CSPP1: variants seen among roughly 807,000 people sequenced by gnomAD.
CSPP1 encodes the protein centrosome and spindle pole-associated protein 1.
CSPP1 carries 126 observed loss-of-function variants against 164.4 expected under a neutral mutation model. That is an observed-to-expected ratio of 0.77 (90% CI 0.66 to 0.89). The LOEUF (loss-of-function observed/expected upper bound fraction) is 0.89, where lower values mean the gene tolerates loss of function less well. CSPP1 is among the 40% of genes least tolerant of loss of function. CSPP1 has a pLI of 0.00. For missense variants in CSPP1, 1,395 were observed against 1,449.8 expected, an observed-to-expected ratio of 0.96 and a Z score of 0.61; for synonymous variants, 472 against 476.7, an observed-to-expected ratio of 0.99 and a Z score of 0.13.
chr8:67,066,568 A>G (rs372634405), intron 1 of CSPP1, among the ~76,000 whole-genome samples: 16 of 152,022 alleles, frequency 1.1e-4, no homozygotes, highest in South Asian at 6.2e-4. Flanking sequence ...CTTTATTTCC[A>G]GCCTGGGTTC....
chr8:67,077,800 A>G (rs955110713), intron 3 of CSPP1, among the ~76,000 whole-genome samples: 1 of 152,216 alleles, frequency 6.6e-6, no homozygotes, highest in African/African-American at 2.4e-5. Flanking sequence ...TTTGTGTGCC[A>G]GTGGATACAA....
chr8:67,071,849 A>G (rs898710432), intron 1 of CSPP1, among the ~76,000 whole-genome samples: 11 of 152,198 alleles, frequency 7.2e-5, no homozygotes, highest in African/African-American at 2.4e-4. Flanking sequence ...CTCTATTCAT[A>G]TGCAAAAAAG....
intron 17 of CSPP1, among the ~76,000 whole-genome samples, chr8:67,144,904 T>TAA (rs771851246): frequency 1.6e-4 from 20 of 125,846 alleles, no homozygotes; most frequent in African/African-American, 2.3e-4. Flanking sequence ...CTATCTCTAC[T>TAA]AAAAAAAAAA....
chr8:67,135,801 C>T (rs1159938578), intron 16 of CSPP1: 1 of 152,232 alleles, frequency 6.6e-6, no homozygotes, highest in Non-Finnish European at 1.5e-5. Flanking sequence ...GCCTAGCTTT[C>T]AGCCTGTCTA....
At chr8:67,088,555 T>G (rs544347800) in intron 4 of CSPP1, among the ~76,000 whole-genome samples, 11 of 150,646 alleles carry the variant, frequency 7.3e-5, no homozygotes, top group Non-Finnish European at 1.6e-4. Flanking sequence ...CCTAAAGTGC[T>G]GGGATTACAG....
chr8:67,155,708 A>T (rs920333168), intron 19 of CSPP1, among the ~76,000 whole-genome samples: 1 of 152,150 alleles, frequency 6.6e-6, no homozygotes. Context: ...GGATTGCTTG[A>T]GCCCAGGAGG....
At position 67,074,247 on chromosome 8, in the gene CSPP1, T is replaced by C; in HGVS notation, c.-6T>C. 1 of 1,600,416 alleles carries C rather than the reference T, an allele frequency of 6.2e-7. No individual in the cohort carries two copies. On this transcript the variant is annotated 5_prime_UTR_variant, in exon 2 of 31. Transcript: ENST00000678616. ...CACTGAAATTTTTTTTTAAAGAATCTGCAAAATGGCTGATAATTTGGATGA... is the reference window on the plus strand; with the variant it reads ...CACTGAAATTTTTTTTTAAAGAATCCGCAAAATGGCTGATAATTTGGATGA...
chr8:67,193,670 C>A, intron 30 of CSPP1, 68 bp downstream of exon 30: 2 of 1,360,100 alleles, frequency 1.5e-6, no homozygotes, highest in Non-Finnish European at 2.1e-6. Context: ...TTACTCAAGG[C>A]TTTCACTAAC....
intron 28 of CSPP1, among the ~76,000 whole-genome samples, chr8:67,183,075 T>C (rs1337664407): frequency 2.0e-5 from 3 of 152,232 alleles, no homozygotes; most frequent in South Asian, 2.1e-4. Flanking sequence ...GCTTTCCTCA[T>C]ATGCTTGCTT....
At chr8:67,071,725 G>A (rs1585810069) in intron 1 of CSPP1, among the ~76,000 whole-genome samples, 2 of 151,948 alleles carry the variant, frequency 1.3e-5, no homozygotes, top group African/African-American at 2.4e-5. Context: ...CTTCTTTTTT[G>A]TCTACGTACC....
intron 26 of CSPP1, among the ~76,000 whole-genome samples, chr8:67,175,779 G>A (rs1029277309): frequency 3.9e-5 from 6 of 152,162 alleles, no homozygotes; most frequent in Admixed American, 1.3e-4. Context: ...ATGATGTGTC[G>A]GGCATTTGCC....
At chr8:67,105,861 T>G in intron 8 of CSPP1, 44 bp from the exon 9 acceptor site, 1 of 1,119,826 alleles carries the variant, frequency 8.9e-7, no homozygotes, top group Non-Finnish European at 1.4e-6. Context: ...CTGAAAATTA[T>G]CTGGATTTTA....
intron 7 of CSPP1, among the ~76,000 whole-genome samples, chr8:67,097,250 G>T (rs1301485457): frequency 6.6e-6 from 1 of 152,130 alleles, no homozygotes; most frequent in African/African-American, 2.4e-5. Flanking sequence ...TGTTTTCGGG[G>T]TAGTGCTGTA....
intron 1 of CSPP1, among the ~76,000 whole-genome samples, chr8:67,070,212 C>T (rs1242588723): frequency 6.6e-6 from 1 of 151,742 alleles, no homozygotes; most frequent in Non-Finnish European, 1.5e-5. Context: ...CCTGTAATCC[C>T]AGCACTTTGG....
At chr8:67,112,891 A>T (rs1817152149) in intron 10 of CSPP1, among the ~76,000 whole-genome samples, 2 of 152,230 alleles carry the variant, frequency 1.3e-5, no homozygotes, top group South Asian at 4.1e-4. Flanking sequence ...TCTTGTTGAA[A>T]TACCTATGAG....
chr8:67,170,328 G>A (rs867290840), intron 24 of CSPP1, among the ~76,000 whole-genome samples: 6 of 151,720 alleles, frequency 4.0e-5, no homozygotes, highest in South Asian at 4.2e-4. Flanking sequence ...GTGGTGGTGC[G>A]TGCCTGTAGT....
chr8:67,090,016 C>A (rs1811297051), intron 4 of CSPP1, among the ~76,000 whole-genome samples: 1 of 151,926 alleles, frequency 6.6e-6, no homozygotes, highest in Admixed American at 6.6e-5. Context: ...ATTCTTGACC[C>A]ATGTTTGGAA....
In CSPP1 at chr8:67,161,751, GTA is replaced by G. The variant is rs1360651774; in HGVS notation, c.2539-54_2539-53del. On this transcript the variant is annotated intron_variant, in intron 21 of 30. Transcript: ENST00000678616. Reference sequence around the variant, plus strand: ...TTAACTATAAGGGGTGTGTGTGTGTGTATATATGTGTGTGAGTGTGATGAAGC... The same window carrying G: ...TTAACTATAAGGGGTGTGTGTGTGTGTATATGTGTGTGAGTGTGATGAAGC... 4 of 843,576 alleles carry G rather than the reference GTA, an allele frequency of 4.7e-6. No individual in the cohort carries two copies. The African/African-American group carries it at 5.0e-5, about 11-fold the overall frequency. The allele number at this position is 843,576 out of a possible 1,614,324, so 52.3% of individuals were successfully genotyped here.
At chr8:67,085,284 A>C (rs1311237790) in intron 3 of CSPP1, among the ~76,000 whole-genome samples, 2 of 151,992 alleles carry the variant, frequency 1.3e-5, no homozygotes, top group Non-Finnish European at 2.9e-5. Context: ...AAAAATTAAT[A>C]TCCATTTTTA....
Sources: allele counts gnomAD v4.1 joint callset (sites outside exome capture counted in the v4.1 genomes callset), GRCh38; gene constraint gnomAD v4.1.1; transcripts MANE v1.5; gene names NCBI Gene and HGNC (gene_info 2026-07-23, HGNC 2026-07-21).